ZNF333: variants seen among roughly 807,000 people sequenced by gnomAD.
ZNF333 encodes zinc finger protein 333.
A neutral mutation model predicts 76.1 loss-of-function variants in ZNF333; 61 were observed. The ratio of observed to expected loss-of-function variants is 0.80; its 90% CI spans 0.65 to 0.99. ZNF333 has a LOEUF of 0.99. Among genes scored for constraint, ZNF333 ranks in the 50% least tolerant of loss-of-function variants. The pLI is 0.00. For synonymous variants in ZNF333, 284 were observed against 305.0 expected (o/e 0.93, Z 0.72); for missense variants, 717 against 822.4 (o/e 0.87, Z 1.57).
chr19:14,718,345 T>C lies in ZNF333; in HGVS notation c.1018T>C (p.Cys340Arg), dbSNP rs377386607. The C allele has an allele frequency of 1.2e-6, 2 of 1,614,240 alleles. No individual in the cohort carries two copies. Residue 340 changes from cysteine (C) to arginine (R), a missense_variant, in exon 12 of 12, where the codon TGT becomes CGT. By Grantham distance (180) the Cys-to-Arg change is radical. Coordinates refer to ENST00000292530, the MANE Select transcript of ZNF333 (RefSeq NM_032433.4). ...RIHAGEASCECQEIRNSFFQS... is the reference protein window; with the variant it reads ...RIHAGEASCERQEIRNSFFQS... ...TCATGCTGGAGAGGCATCCTGTGAATGTCAAGAGATTAGAAATTCCTTCTT... is the reference window on the plus strand; with the variant it reads ...TCATGCTGGAGAGGCATCCTGTGAACGTCAAGAGATTAGAAATTCCTTCTT...
chr19:14,727,024 C>CTT (rs33936016), intron 11 of ZNF333, among the ~76,000 whole-genome samples: 1,677 of 70,084 alleles, frequency 0.024, no homozygotes, highest in Non-Finnish European at 0.034. Context: ...AGAAAAGAGG[C>CTT]TTTTTTTTTT....
chr19:14,699,992 A>G (rs994797623), intron 5 of ZNF333, among the ~76,000 whole-genome samples: 1 of 151,692 alleles, frequency 6.6e-6, no homozygotes, highest in African/African-American at 2.4e-5. Flanking sequence ...CGAGCTTTCC[A>G]CCATCATTCA....
exon 12 of ZNF333, chr19:14,733,136 A>G (rs1386175748): frequency 6.6e-6 from 1 of 152,188 alleles, no homozygotes; most frequent in African/African-American, 2.4e-5. Context: ...CCCATCATGT[A>G]TGTAATAAAA....
chr19:14,731,663 G>A (rs2042672721), exon 12 of ZNF333: 1 of 154,286 alleles, frequency 6.5e-6, no homozygotes, highest in African/African-American at 2.4e-5. Context: ...CGTATTTCAT[G>A]TTTCAAACTG....
intron 4 of ZNF333, among the ~76,000 whole-genome samples, chr19:14,697,521 C>A (rs1973305148): frequency 6.6e-6 from 1 of 151,800 alleles, no homozygotes; most frequent in Non-Finnish European, 1.5e-5. Flanking sequence ...GCCCTCATGC[C>A]TGGCTAATTT....
chr19:14,693,147 G>T (rs910965063), intron 1 of ZNF333, among the ~76,000 whole-genome samples: 6 of 152,160 alleles, frequency 3.9e-5, no homozygotes, highest in African/African-American at 1.4e-4. Flanking sequence ...AGAGAGAGAG[G>T]CCAAAATCGT....
At position 14,720,622 on chromosome 19, in the gene ZNF333, G is replaced by C; in HGVS notation, c.*1297G>C. On this transcript the variant is annotated 3_prime_UTR_variant, in exon 12 of 12. Coordinates refer to ENST00000292530, the MANE Select transcript of ZNF333 (RefSeq NM_032433.4). ...TTTCTTTTGTTTGTTTTTGTTTTTG[G>C]TGGGAGGTTTATTTCACCTGAATAT... 1 of 985,300 alleles carries C rather than the reference G, an allele frequency of 1.0e-6. No homozygotes were observed. Among genetic ancestry groups the C allele is most frequent in the Non-Finnish European group, 1.2e-6 (1 of 829,894 alleles). 61.0% of individuals were successfully genotyped at this position (985,300 alleles called of 1,614,324 possible).
chr19:14,716,242 A>C lies in ZNF333; in HGVS notation c.727+4A>C. 6.3e-7 allele frequency: 1 copy of C among 1,595,622 alleles called. No homozygotes were observed. The highest frequency in any genetic ancestry group is 8.5e-7 in the Non-Finnish European group (1 of 1,174,982). ...TACAGGAACCTGGCCTCTGTGGGTA[A>C]GGCAGCTTCATCTTTTCTTTCCTTT... On this transcript the variant is annotated splice_donor_region_variant and intron_variant, in intron 9 of 11. Transcript: ENST00000292530.
intron 1 of ZNF333, among the ~76,000 whole-genome samples, chr19:14,691,825 C>T (rs1021045799): frequency 6.6e-6 from 1 of 151,842 alleles, no homozygotes; most frequent in South Asian, 2.1e-4. Flanking sequence ...TATAGGCGCC[C>T]GCCACCATGC....
At chr19:14,710,544 A>T (rs62125497) in intron 7 of ZNF333, among the ~76,000 whole-genome samples, 5,453 of 152,260 alleles carry the variant, frequency 0.036, 126 homozygotes, top group Middle Eastern at 0.092. Context: ...TTGGGAGGCC[A>T]AGGTGGGTAG....
At chr19:14,698,175 C>T (rs1277102314) in intron 4 of ZNF333, among the ~76,000 whole-genome samples, 2 of 151,734 alleles carry the variant, frequency 1.3e-5, no homozygotes, top group African/African-American at 4.8e-5. Flanking sequence ...GAGTTCGAGA[C>T]CAGCCTGGCC....
In ZNF333 at chr19:14,718,674, C is replaced by T; in HGVS notation, c.1347C>T (p.Pro449=). The part of the protein sequence containing the change: ...LHQRNHTGEK[P]YECKDCGKAF... ...AGAGAAACCACACAGGAGAGAAGCC[C>T]TACGAGTGTAAAGATTGTGGGAAAG... The change falls in exon 12 of 12, where the codon CCC becomes CCT. Residue 449 remains proline (P), a synonymous_variant. Coordinates refer to ENST00000292530, the MANE Select transcript of ZNF333 (RefSeq NM_032433.4). The T allele has an allele frequency of 6.2e-7, 1 of 1,613,926 alleles. No homozygotes were observed. The highest frequency in any genetic ancestry group is 8.5e-7 in the Non-Finnish European group (1 of 1,180,020).
chr19:14,690,949 C>T (rs1298172681), intron 1 of ZNF333, among the ~76,000 whole-genome samples: 3 of 151,982 alleles, frequency 2.0e-5, no homozygotes, highest in Admixed American at 6.6e-5. Flanking sequence ...ACAAATTAGC[C>T]GAGCGTAGTG....
intron 7 of ZNF333, among the ~76,000 whole-genome samples, chr19:14,711,245 C>T (rs916313932): frequency 5.3e-5 from 8 of 152,238 alleles, no homozygotes; most frequent in East Asian, 1.9e-4. Flanking sequence ...TTAAGTGGAG[C>T]GAGTTTCTCT....
At chr19:14,729,106 C>T (rs914801757) in intron 11 of ZNF333, among the ~76,000 whole-genome samples, 5 of 151,978 alleles carry the variant, frequency 3.3e-5, no homozygotes, top group South Asian at 2.1e-4. Context: ...TGATTAGTGC[C>T]GACGGGAAGG....
intron 11 of ZNF333, among the ~76,000 whole-genome samples, chr19:14,730,603 C>G (rs1463077182): frequency 6.6e-6 from 1 of 152,082 alleles, no homozygotes; most frequent in East Asian, 1.9e-4. Context: ...GCTAGCAAAG[C>G]AGTTTGTAAT....
chr19:14,706,461 C>T (rs1421745912), intron 6 of ZNF333: 4 of 538,914 alleles, frequency 7.4e-6, no homozygotes, highest in East Asian at 6.7e-5. Flanking sequence ...CCACCTTCCC[C>T]AGCCCCTGCC....
chr19:14,720,061 C>G lies in ZNF333; in HGVS notation c.*736C>G. The G allele has an allele frequency of 1.4e-6, 1 of 738,186 alleles. No individual in the cohort carries two copies. Among genetic ancestry groups the G allele is most frequent in the South Asian group, 6.2e-5 (1 of 16,244 alleles). 45.7% of individuals were successfully genotyped at this position (738,186 alleles called of 1,614,324 possible). A position where few individuals can be genotyped will look rare whatever the true frequency, so the allele number is the denominator to read the frequency against. On this transcript the variant is annotated 3_prime_UTR_variant, in exon 12 of 12. Transcript: ENST00000292530. Reference sequence around the variant, plus strand: ...ATTAGCCAAGTTTGGTGGCATGCACCTGTAATCCCAGCTACTTGGGAGGCT... The same window carrying G: ...ATTAGCCAAGTTTGGTGGCATGCACGTGTAATCCCAGCTACTTGGGAGGCT...
intron 10 of ZNF333, 131 bp downstream of exon 10, chr19:14,717,220 A>G (rs1489123415): frequency 7.6e-6 from 5 of 656,502 alleles, no homozygotes; most frequent in Non-Finnish European, 1.3e-5. Context: ...CTCCCTTATT[A>G]AATGCCACCT....
Sources: gnomAD v4.1 joint callset for allele counts (sites outside exome capture counted in the v4.1 genomes callset) on GRCh38, gnomAD v4.1.1 for gene constraint, MANE v1.5 for transcripts, NCBI Gene and HGNC (gene_info 2026-07-23, HGNC 2026-07-21) for gene names.